HIVEP3: variants seen among roughly 807,000 people sequenced by gnomAD.
HIVEP3 encodes the protein HIVEP zinc finger 3, also known as transcription factor HIVEP3.
HIVEP3 carries 49 observed loss-of-function variants against 152.8 expected under a neutral mutation model. The observed-to-expected ratio is 0.32, with a 90% confidence interval of 0.26 to 0.41. The LOEUF is 0.41. HIVEP3 is among the 10% of genes least tolerant of loss of function. The probability of loss-of-function intolerance (pLI) is 1.00; values close to 1 mark genes in which losing one functional copy is unlikely to be tolerated. For synonymous variants in HIVEP3, 1,269 were observed against 1,289.0 expected, an observed-to-expected ratio of 0.98 and a Z score of 0.33; for missense variants, 2,790 against 3,103.3, an observed-to-expected ratio of 0.90 and a Z score of 2.40.
rs776805304 is a variant in HIVEP3, at chr1:41,748,444, G to C, written c.-800-47449C>G. Among the ~76,000 whole-genome samples the C allele has an allele frequency of 2.6e-5, 4 of 152,166 alleles. No homozygotes were observed. The East Asian group carries it at 7.7e-4, about 29-fold the overall frequency. On this transcript the variant is annotated intron_variant, in intron 1 of 8. Transcript: ENST00000372583. The stretch of plus-strand genomic sequence containing the variant: ...CTCTGCCCCACCTCCTTCAACTATT[G>C]AATGGGAAACTGTGGTCCACTCACC...
At chr1:41,954,810 T>C (rs1003608786) in intron 1 of HIVEP3, among the ~76,000 whole-genome samples, 12 of 152,206 alleles carry the variant, frequency 7.9e-5, no homozygotes, top group African/African-American at 2.2e-4. Context: ...ATTTGTGAAA[T>C]AGGGGTAATA....
chr1:41,790,128 C>T (rs1470215363), intron 1 of HIVEP3, among the ~76,000 whole-genome samples: 5 of 152,154 alleles, frequency 3.3e-5, no homozygotes, highest in Non-Finnish European at 1.5e-5. Flanking sequence ...ATGTTCATTC[C>T]CCCAAATCTC....
At chr1:41,535,279 C>T (rs767474955) in intron 5 of HIVEP3, among the ~76,000 whole-genome samples, 3 of 152,190 alleles carry the variant, frequency 2.0e-5, no homozygotes, top group Non-Finnish European at 4.4e-5. Flanking sequence ...TTCCAGCCAG[C>T]GCTGGGGTGG....
At chr1:41,964,881 G>A (rs565102374) in intron 1 of HIVEP3, among the ~76,000 whole-genome samples, 50 of 152,388 alleles carry the variant, frequency 3.3e-4, no homozygotes, top group Non-Finnish European at 6.0e-4. Context: ...ATTCCCCCAA[G>A]AGCAGTGCAC....
chr1:41,725,360 A>G (rs1646737285), intron 1 of HIVEP3, among the ~76,000 whole-genome samples: 1 of 152,226 alleles, frequency 6.6e-6, no homozygotes, highest in Non-Finnish European at 1.5e-5. Context: ...TACAAGGAAT[A>G]GCTGTCAAGA....
At chr1:41,678,787 T>C (rs919856070) in intron 2 of HIVEP3, among the ~76,000 whole-genome samples, 1 of 152,182 alleles carries the variant, frequency 6.6e-6, no homozygotes, top group African/African-American at 2.4e-5. Flanking sequence ...GCTCAGATGA[T>C]GACAGCTCTC....
At chr1:41,579,412 C>A (rs1431865508) in intron 4 of HIVEP3, among the ~76,000 whole-genome samples, 1 of 152,098 alleles carries the variant, frequency 6.6e-6, no homozygotes, top group Non-Finnish European at 1.5e-5. Flanking sequence ...GCCAAGTTTT[C>A]CAACTCAGTC....
intron 2 of HIVEP3, among the ~76,000 whole-genome samples, chr1:41,641,665 G>C (rs1645374881): frequency 6.6e-6 from 1 of 152,194 alleles, no homozygotes. Context: ...CTGGTTTCGA[G>C]TCGGTGAACC....
intron 3 of HIVEP3, among the ~76,000 whole-genome samples, chr1:41,611,528 G>A (rs748160234): frequency 2.0e-4 from 30 of 152,240 alleles, no homozygotes; most frequent in Middle Eastern, 3.2e-3. Flanking sequence ...CAAAGGCACC[G>A]AAGGTTCCAT....
intron 1 of HIVEP3, among the ~76,000 whole-genome samples, chr1:41,807,546 G>A (rs776915470): frequency 6.6e-5 from 10 of 152,166 alleles, no homozygotes; most frequent in Non-Finnish European, 1.2e-4. Context: ...AATGTGTAGC[G>A]ATAAGCAGTG....
At chr1:41,656,899 G>C (rs1373306345) in intron 2 of HIVEP3, among the ~76,000 whole-genome samples, 1 of 152,186 alleles carries the variant, frequency 6.6e-6, no homozygotes, top group African/African-American at 2.4e-5. Context: ...GGCCTAGACA[G>C]CACTCCAGAG....
At chr1:41,841,693 T>C (rs1295135879) in intron 1 of HIVEP3, among the ~76,000 whole-genome samples, 2 of 152,226 alleles carry the variant, frequency 1.3e-5, no homozygotes, top group Admixed American at 1.3e-4. Flanking sequence ...GCTCAGGGCC[T>C]CAATGTCCTC....
intron 1 of HIVEP3, among the ~76,000 whole-genome samples, chr1:41,889,647 C>T (rs1171165001): frequency 6.6e-6 from 1 of 152,090 alleles, no homozygotes; most frequent in East Asian, 1.9e-4. Flanking sequence ...GCAGGGTGGG[C>T]CTTCATTTCC....
rs139371887 is a variant in HIVEP3 at position 41,689,440 on chromosome 1, G to A, written c.-721+11476C>T. On this transcript the variant is annotated intron_variant, in intron 2 of 8. Coordinates refer to ENST00000372583, the MANE Select transcript of HIVEP3 (RefSeq NM_024503.5). ...GGTGAGTCTGTGCTTTCTGGGATCCGGGTGGGTAGGGTCACTGGTGGGGAA... is the reference window on the plus strand; with the variant it reads ...GGTGAGTCTGTGCTTTCTGGGATCCAGGTGGGTAGGGTCACTGGTGGGGAA... Among the ~76,000 whole-genome samples the A allele has an allele frequency of 1.4e-3, 217 of 152,280 alleles. 1 individual carries two copies. The highest frequency in any genetic ancestry group is 2.8e-3 in the Non-Finnish European group (190 of 68,022).
upstream of HIVEP3, among the ~76,000 whole-genome samples, chr1:41,920,244 G>A (rs1644930248): frequency 6.6e-6 from 1 of 152,180 alleles, no homozygotes; most frequent in South Asian, 2.1e-4. Flanking sequence ...AATGTCACCA[G>A]CCACACAGCG....
chr1:41,882,302 G>C (rs1395176507), intron 1 of HIVEP3, among the ~76,000 whole-genome samples: 2 of 152,272 alleles, frequency 1.3e-5, no homozygotes, highest in Admixed American at 1.3e-4. Context: ...CGTAAAGACT[G>C]CCCCTATGTC....
At chr1:41,761,598 G>T (rs915779024) in intron 1 of HIVEP3, among the ~76,000 whole-genome samples, 1 of 152,220 alleles carries the variant, frequency 6.6e-6, no homozygotes, top group Non-Finnish European at 1.5e-5. Context: ...ATGTGTGCAT[G>T]TGTGTGTTAT....
At position 41,508,414 on chromosome 1, in the gene HIVEP3, C is replaced by T. The variant is rs1569631276; in HGVS notation, c.*2037G>A. 6.6e-6 allele frequency: 1 copy of T among 152,346 alleles called. No homozygotes were observed. Among genetic ancestry groups the T allele is most frequent in the East Asian group, 1.9e-4 (1 of 5,168 alleles). 9.4% of individuals were successfully genotyped at this position (152,346 alleles called of 1,614,324 possible). The stretch of plus-strand genomic sequence containing the variant: ...TGTCCAGCAATATGGACAGTGTGGT[C>T]CAGGCTGGGCTTGCTGCTTCTCTTG... On this transcript the variant is annotated 3_prime_UTR_variant, in exon 9 of 9. Transcript: ENST00000372583.
intron 1 of HIVEP3, among the ~76,000 whole-genome samples, chr1:41,788,677 T>C (rs1649512775): frequency 6.6e-6 from 1 of 152,246 alleles, no homozygotes; most frequent in Non-Finnish European, 1.5e-5. Flanking sequence ...TTTCTCCATA[T>C]TGTATCTCAT....
Sources: allele counts gnomAD v4.1 joint callset (sites outside exome capture counted in the v4.1 genomes callset), GRCh38; gene constraint gnomAD v4.1.1; transcripts MANE v1.5; gene names NCBI Gene and HGNC (gene_info 2026-07-23, HGNC 2026-07-21).